EHD1: variants seen among roughly 807,000 people sequenced by gnomAD.
EHD1 encodes EH domain-containing protein 1.
Under a neutral mutation model 39.0 loss-of-function variants are expected in EHD1, and 19 were observed. The observed-to-expected ratio is 0.49, with a 90% CI of 0.34 to 0.72. The LOEUF is 0.72. Among genes scored for constraint, EHD1 ranks in the 30% least tolerant of loss-of-function variants. EHD1 has a pLI of 0.01. For synonymous variants in EHD1, 323 were observed against 331.2 expected, an observed-to-expected ratio of 0.98 and a Z score of 0.27; for missense variants, 542 against 751.5, an observed-to-expected ratio of 0.72 and a Z score of 3.26.
At chr11:64,870,254 A>C (rs902947908) in intron 2 of EHD1, among the ~76,000 whole-genome samples, 2 of 152,066 alleles carry the variant, frequency 1.3e-5, no homozygotes, top group Non-Finnish European at 2.9e-5. Flanking sequence ...GGTCTGTCTG[A>C]CCCAAGCTCC....
At chr11:64,865,055 T>G (rs1943753392) in intron 2 of EHD1, among the ~76,000 whole-genome samples, 1 of 152,202 alleles carries the variant, frequency 6.6e-6, no homozygotes. Context: ...TCAACAGAGG[T>G]AAGCCCATTT....
chr11:64,854,691 C>A lies in EHD1; in HGVS notation c.1247G>T (p.Gly416Val). Residue 416 changes from glycine to valine, a missense_variant, in exon 5 of 5, where the codon GGC (glycine) becomes GTC (valine). Coordinates refer to ENST00000320631, the MANE Select transcript of EHD1 (RefSeq NM_006795.4). ...GTGCCCGAACGGCCCGTTCATGGTG[C>A]CGTCAAAGGCGCCGCCCTTGACCAC... ...SQVVKGGAFD[G>V]TMNGPFGHGY... 1 of 1,613,594 alleles carries A rather than the reference C, an allele frequency of 6.2e-7. No individual in the cohort carries two copies. The highest frequency in any genetic ancestry group is 8.5e-7 in the Non-Finnish European group (1 of 1,179,994).
At chr11:64,874,572 C>T in intron 1 of EHD1, 54 bp from the exon 2 acceptor site, 4 of 1,423,492 alleles carry the variant, frequency 2.8e-6, no homozygotes, top group Non-Finnish European at 3.8e-6. Flanking sequence ...CATCACTGCT[C>T]CGGACACAAC....
rs778829881 is a variant in EHD1 at position 64,878,133 on chromosome 11, C to A, written c.332G>T (p.Gly111Val). 6.3e-7 allele frequency: 1 copy of A among 1,575,012 alleles called. No homozygotes were observed. Residue 111 changes from glycine (G) to valine (V), a missense_variant, in exon 1 of 5, where the codon GGC (glycine) becomes GTC (valine). By Grantham distance (109) the Gly-to-Val change is moderately radical. Coordinates refer to ENST00000320631, the MANE Select transcript of EHD1 (RefSeq NM_006795.4). ...MHGPTEGVVP[G>V]NALVVDPRRP... is the part of the protein sequence containing the mutation. ...CCGCGGGTCCACCACGAGCGCGTTG[C>A]CCGGCACCACGCCCTCAGTGGGGCC...
At position 64,854,675 on chromosome 11, in the gene EHD1, C is replaced by CG; in HGVS notation, c.1262dup (p.Phe422ValfsTer113). On this transcript the variant is annotated frameshift_variant, in exon 5 of 5. Transcript: ENST00000320631. LOFTEE classifies it high-confidence loss of function. ...CCCCCTCGCCGTAGCCGTGCCCGAACGGCCCGTTCATGGTGCCGTCAAAGG... is the reference window on the plus strand; with the variant it reads ...CCCCCTCGCCGTAGCCGTGCCCGAACGGGCCCGTTCATGGTGCCGTCAAAGG... 1 of 1,613,834 alleles carries CG rather than the reference C, an allele frequency of 6.2e-7. No homozygotes were observed. Among genetic ancestry groups the CG allele is most frequent in the Non-Finnish European group, 8.5e-7 (1 of 1,179,974 alleles).
rs1036661808 is a variant in EHD1 at position 64,853,976 on chromosome 11, T to C, written c.*357A>G. The stretch of plus-strand genomic sequence containing the variant: ...CCTAGCAGCTGCCAAAAGGGCGACC[T>C]GGCTCCCCCACGGTCGCAGTCGCTG... On this transcript the variant is annotated 3_prime_UTR_variant, in exon 5 of 5. Coordinates refer to ENST00000320631, the MANE Select transcript of EHD1 (RefSeq NM_006795.4). The C allele has an allele frequency of 3.6e-4, 106 of 295,460 alleles. No homozygotes were observed. Among genetic ancestry groups the C allele is most frequent in the African/African-American group, 2.1e-3 (100 of 47,174 alleles). The allele number at this position is 295,460 out of a possible 1,614,324, so 18.3% of individuals were successfully genotyped here.
Position 64,874,425 on chromosome 11 carries a change from G to A in EHD1, c.498C>T (p.Ser166=). 2 of 1,597,052 alleles carry A rather than the reference G, an allele frequency of 1.3e-6. No homozygotes were observed. The highest frequency in any genetic ancestry group is 1.7e-6 in the Non-Finnish European group (2 of 1,172,236). Residue 166 remains serine, a synonymous_variant, in exon 2 of 5, where the codon AGC becomes AGT. Coordinates refer to ENST00000320631, the MANE Select transcript of EHD1 (RefSeq NM_006795.4). ...GILSGEKQRI[S]RGYDFAAVLE... ...GCTGTGGTCACAGCTGTTTACCTCT[G>A]CTGATCCGCTGCTTCTCTCCAGACA...
intron 1 of EHD1, among the ~76,000 whole-genome samples, chr11:64,877,172 G>A (rs573797493): frequency 9.2e-5 from 14 of 152,322 alleles, no homozygotes; most frequent in African/African-American, 2.4e-4. Flanking sequence ...GGGTTGGGAC[G>A]GGCATGTCTC....
Position 64,859,867 on chromosome 11 carries a change from C to T in EHD1, c.915+57G>A, listed in dbSNP as rs78090970. The stretch of plus-strand genomic sequence containing the variant: ...CAATCCTGGGGCCCTGAGTGCCAGT[C>T]TCAGAGCCCCATGGCCCTGCCTGGC... On this transcript the variant is annotated intron_variant, in intron 3 of 4. Coordinates refer to ENST00000320631, the MANE Select transcript of EHD1 (RefSeq NM_006795.4). The T allele has an allele frequency of 2.9e-3, 4,569 of 1,555,070 alleles. 98 individuals are homozygous for T. The African/African-American group carries it at 0.052, about 18-fold the overall frequency.
chr11:64,855,159 T>G, intron 4 of EHD1, 163 bp downstream of exon 4: 1 of 1,174,840 alleles, frequency 8.5e-7, no homozygotes, highest in Non-Finnish European at 1.2e-6. Context: ...TGTCACCGCC[T>G]GGGTCAACTC....
At position 64,878,053 on chromosome 11, in the gene EHD1, G is replaced by T; in HGVS notation, c.404+8C>A. 4 of 1,507,348 alleles carry T rather than the reference G, an allele frequency of 2.7e-6. No individual in the cohort carries two copies. The Middle Eastern group carries it at 5.4e-4, about 203-fold the overall frequency. The allele number at this position is 1,507,348 out of a possible 1,614,324, so 93.4% of individuals were successfully genotyped here. A position where few individuals can be genotyped will look rare whatever the true frequency, so the allele number is the denominator to read the frequency against. The stretch of plus-strand genomic sequence containing the variant: ...CGCCCCCCGCCCCCTGGAGTGATGG[G>T]TGGGTACCTGTTGAGGAAAGCGTTG... On this transcript the variant is annotated splice_region_variant and intron_variant, in intron 1 of 4. Coordinates refer to ENST00000320631, the MANE Select transcript of EHD1 (RefSeq NM_006795.4).
At chr11:64,871,080 A>C (rs1268208999) in intron 2 of EHD1, among the ~76,000 whole-genome samples, 1 of 152,158 alleles carries the variant, frequency 6.6e-6, no homozygotes, top group East Asian at 1.9e-4. Context: ...AGGGGAAAAA[A>C]AGTCAGGAGG....
At position 64,876,887 on chromosome 11, in the gene EHD1, C is replaced by T. The variant is rs1263262886; in HGVS notation, c.404+1174G>A. Among the ~76,000 whole-genome samples the T allele has an allele frequency of 1.1e-4, 16 of 152,346 alleles. No homozygotes were observed. In the East Asian group the frequency reaches 3.1e-3, roughly 29 times the overall value. On this transcript the variant is annotated intron_variant, in intron 1 of 4. Coordinates refer to ENST00000320631, the MANE Select transcript of EHD1 (RefSeq NM_006795.4). ...AACAGCCGTAAAACAGGAGGGCGGG[C>T]TGAAATGCCTGGAAGTGAACAGACC...
In EHD1 at chr11:64,860,717, C is replaced by T. The variant is rs538670937; in HGVS notation, c.503-381G>A. Reference sequence around the variant, plus strand: ...CTGGGTAAGAAGAGCAAAACTGTCGCGAAAAAAAAAAAAAAAAGAAAAGGC... The same window carrying T: ...CTGGGTAAGAAGAGCAAAACTGTCGTGAAAAAAAAAAAAAAAAGAAAAGGC... On this transcript the variant is annotated intron_variant, in intron 2 of 4. Coordinates refer to ENST00000320631, the MANE Select transcript of EHD1 (RefSeq NM_006795.4). Among the ~76,000 whole-genome samples, 28 of 85,582 alleles carry T rather than the reference C, an allele frequency of 3.3e-4. No homozygotes were observed. In the South Asian group the frequency reaches 6.4e-3, roughly 20 times the overall value. The allele number at this position is 85,582 out of a possible 152,430, so 56.1% of individuals were successfully genotyped here.
At position 64,852,280 on chromosome 11, in the gene EHD1, C is replaced by T. The variant is rs1943589948; in HGVS notation, c.*2053G>A. ...TGTCACAGGCTATCTGCTTTGTCTTCAGAGGCCCGGCTTCCCTGTACTTAA... is the reference window on the plus strand; with the variant it reads ...TGTCACAGGCTATCTGCTTTGTCTTTAGAGGCCCGGCTTCCCTGTACTTAA... On this transcript the variant is annotated 3_prime_UTR_variant, in exon 5 of 5. Transcript: ENST00000320631. 6.6e-6 allele frequency: 1 copy of T among 152,246 alleles called. No homozygotes were observed. The allele number at this position is 152,246 out of a possible 1,614,324, so 9.4% of individuals were successfully genotyped here.
intron 2 of EHD1, among the ~76,000 whole-genome samples, chr11:64,860,869 A>C (rs1295781245): frequency 6.6e-6 from 1 of 151,954 alleles, no homozygotes; most frequent in Admixed American, 6.6e-5. Flanking sequence ...AAAATACAAA[A>C]ATTAGCCCGG....
Position 64,874,440 on chromosome 11 carries a change from C to G in EHD1, c.483G>C (p.Glu161Asp). ...GTTTACCTCTGCTGATCCGCTGCTT[C>G]TCTCCAGACAGGATCCCGGGGGTGT... is the stretch of plus-strand genomic sequence containing the variant. ...IIDTPGILSG[E>D]KQRISRGYDF... The change falls in exon 2 of 5, where the codon GAG (glutamate) becomes GAC (aspartate). Residue 161 changes from glutamate to aspartate, a missense_variant. Physicochemically the swap from Glu to Asp is conservative, Grantham distance 45. Transcript: ENST00000320631. 6.2e-7 allele frequency: 1 copy of G among 1,606,420 alleles called. No individual in the cohort carries two copies. Among genetic ancestry groups the G allele is most frequent in the Non-Finnish European group, 8.5e-7 (1 of 1,176,714 alleles).
At chr11:64,878,802 G>C, upstream of EHD1, 1 of 1,200,146 alleles carries the variant, frequency 8.3e-7, no homozygotes, top group Non-Finnish European at 1.0e-6. Flanking sequence ...CAAATCTCGC[G>C]AGGCTGTGGT....
At position 64,874,408 on chromosome 11, in the gene EHD1, C is replaced by A. The variant is rs771677489; in HGVS notation, c.502+13G>T. 1 of 1,582,168 alleles carries A rather than the reference C, an allele frequency of 6.3e-7. No homozygotes were observed. The highest frequency in any genetic ancestry group is 1.2e-5 in the South Asian group (1 of 86,622). On this transcript the variant is annotated intron_variant, in intron 2 of 4. Transcript: ENST00000320631. ...CAACACCAGCAGCCCGAGCTGTGGT[C>A]ACAGCTGTTTACCTCTGCTGATCCG...
Sources: allele counts gnomAD v4.1 joint callset (sites outside exome capture counted in the v4.1 genomes callset), GRCh38; gene constraint gnomAD v4.1.1; transcripts MANE v1.5; gene names NCBI Gene and HGNC (gene_info 2026-07-23, HGNC 2026-07-21).